PARD3: variants seen among roughly 807,000 people sequenced by gnomAD.
The protein encoded by PARD3 is partitioning defective 3 homolog.
A neutral mutation model predicts 155.4 loss-of-function variants in PARD3; 75 were observed. The ratio of observed to expected loss-of-function variants is 0.48; its 90% CI spans 0.40 to 0.58. PARD3 has a LOEUF of 0.58. Ranked by LOEUF, PARD3 falls within the 20% of genes least tolerant of loss-of-function variation. The pLI, the probability that PARD3 is intolerant of heterozygous loss-of-function variation, is 0.00. For missense variants in PARD3, 1,642 were observed against 1,721.7 expected, an observed-to-expected ratio of 0.95 and a Z score of 0.82; for synonymous variants, 576 against 610.5, an observed-to-expected ratio of 0.94 and a Z score of 0.83.
chr10:34,624,347 T>C (rs113960242), intron 2 of PARD3, among the ~76,000 whole-genome samples: 9 of 152,224 alleles, frequency 5.9e-5, no homozygotes, highest in South Asian at 2.1e-4. Flanking sequence ...AAAGAACTTA[T>C]TGAAAGAAAA....
chr10:34,617,937 G>GT (rs1348084880), intron 2 of PARD3, among the ~76,000 whole-genome samples: 1 of 152,120 alleles, frequency 6.6e-6, no homozygotes, highest in Non-Finnish European at 1.5e-5. Flanking sequence ...CCTACAGTTT[G>GT]TTTTGAAATT....
intron 1 of PARD3, among the ~76,000 whole-genome samples, chr10:34,728,891 G>A (rs1428747350): frequency 2.0e-5 from 3 of 152,096 alleles, no homozygotes; most frequent in East Asian, 3.9e-4. Context: ...ACAACAGACC[G>A]CACACAGACA....
chr10:34,627,187 C>G (rs1026532475), intron 2 of PARD3, among the ~76,000 whole-genome samples: 3 of 152,118 alleles, frequency 2.0e-5, no homozygotes, highest in Admixed American at 6.5e-5. Context: ...GCCACCACAA[C>G]AAGATAATTT....
At chr10:34,366,580 A>T (rs1467782511) in intron 12 of PARD3, among the ~76,000 whole-genome samples, 1 of 152,204 alleles carries the variant, frequency 6.6e-6, no homozygotes, top group Non-Finnish European at 1.5e-5. Context: ...AGACCATCAT[A>T]GCGTCACGCA....
intron 20 of PARD3, among the ~76,000 whole-genome samples, chr10:34,286,098 T>C (rs1281580082): frequency 4.6e-5 from 7 of 152,234 alleles, no homozygotes; most frequent in Non-Finnish European, 1.5e-5. Context: ...GCACTATTTT[T>C]GTCAATATAT....
At position 34,192,078 on chromosome 10, in the gene PARD3, G is replaced by T. The variant is rs911860963; in HGVS notation, c.3420-60495C>A. ...ACTAGCAAAAACCACTTTCCTGCTT[G>T]TTTTTTTTTTTTCCTTTTTGAGACA... On this transcript the variant is annotated intron_variant, in intron 22 of 24. Transcript: ENST00000374788. Among the ~76,000 whole-genome samples, 29 of 144,462 alleles carry T rather than the reference G, an allele frequency of 2.0e-4. No individual in the cohort carries two copies. In the East Asian group the frequency reaches 5.8e-3, roughly 29 times the overall value. 94.8% of individuals were successfully genotyped at this position (144,462 alleles called of 152,430 possible).
intron 21 of PARD3, among the ~76,000 whole-genome samples, chr10:34,281,939 G>A (rs745887107): frequency 6.6e-6 from 1 of 152,036 alleles, no homozygotes; most frequent in African/African-American, 2.4e-5. Flanking sequence ...TGAGGGAAAG[G>A]TTGTAAGGAG....
At chr10:34,386,690 C>T (rs1469877283) in intron 7 of PARD3, among the ~76,000 whole-genome samples, 5 of 151,694 alleles carry the variant, frequency 3.3e-5, no homozygotes, top group African/African-American at 7.3e-5. Flanking sequence ...GGCATGGTGG[C>T]GGGCACCTGT....
intron 20 of PARD3, among the ~76,000 whole-genome samples, chr10:34,310,848 G>A (rs1957663266): frequency 6.6e-6 from 1 of 152,208 alleles, no homozygotes; most frequent in Non-Finnish European, 1.5e-5. Flanking sequence ...CTCCCAGGGT[G>A]TATAATCACA....
intron 2 of PARD3, among the ~76,000 whole-genome samples, chr10:34,588,736 G>A (rs773845249): frequency 5.3e-5 from 8 of 152,118 alleles, no homozygotes; most frequent in African/African-American, 7.2e-5. Context: ...CTGAAACACT[G>A]AACCTGCAAA....
Position 34,489,937 on chromosome 10 carries a change from A to G in PARD3, c.404-19674T>C, listed in dbSNP as rs572590509. On this transcript the variant is annotated intron_variant, in intron 3 of 24. Coordinates refer to ENST00000374788, the MANE Select transcript of PARD3 (RefSeq NM_001184785.2). ...TGTTACAGAGATAAGATATCCTGGC[A>G]AAAGTTAATCTAACAATAATTAGTG... 9.2e-5 allele frequency among the ~76,000 whole-genome samples: 14 copies of G among 152,348 alleles called. No individual in the cohort carries two copies. The East Asian group carries it at 2.3e-3, about 25-fold the overall frequency.
chr10:34,589,467 G>T lies in PARD3; in HGVS notation c.223-72308C>A, dbSNP rs114959954. 7.2e-3 allele frequency among the ~76,000 whole-genome samples: 1,100 copies of T among 151,950 alleles called. 13 individuals carry two copies. The highest frequency in any genetic ancestry group is 0.026 in the African/African-American group (1,059 of 41,412). Reference sequence around the variant, plus strand: ...AAGAAGAAAAAATTTGGACACAGACGCACACAGCAGGAGAACTCCATGTGA... The same window carrying T: ...AAGAAGAAAAAATTTGGACACAGACTCACACAGCAGGAGAACTCCATGTGA... On this transcript the variant is annotated intron_variant, in intron 2 of 24. Transcript: ENST00000374788.
At chr10:34,738,385 C>A (rs567377603) in intron 1 of PARD3, among the ~76,000 whole-genome samples, 2 of 152,334 alleles carry the variant, frequency 1.3e-5, no homozygotes, top group South Asian at 4.1e-4. Context: ...CTATATTGCC[C>A]AGGCTGGTCT....
chr10:34,553,571 T>C (rs1277160639), intron 2 of PARD3, among the ~76,000 whole-genome samples: 1 of 152,092 alleles, frequency 6.6e-6, no homozygotes, highest in African/African-American at 2.4e-5. Context: ...ACATGCAAGG[T>C]ACTGGCATGT....
chr10:34,229,394 AT>A (rs1392936716), intron 22 of PARD3, among the ~76,000 whole-genome samples: 2 of 151,724 alleles, frequency 1.3e-5, no homozygotes, highest in Non-Finnish European at 2.9e-5. Flanking sequence ...TAATTTTAGA[AT>A]TTTAGAATTT....
chr10:34,660,469 C>CACAG (rs1413157934), intron 2 of PARD3, among the ~76,000 whole-genome samples: 4 of 151,998 alleles, frequency 2.6e-5, no homozygotes, highest in Non-Finnish European at 5.9e-5. Flanking sequence ...AAGGAGCTTA[C>CACAG]ACAGATGTAT....
chr10:34,745,734 T>C (rs567951787), intron 1 of PARD3, among the ~76,000 whole-genome samples: 1 of 152,250 alleles, frequency 6.6e-6, no homozygotes, highest in East Asian at 1.9e-4. Context: ...AATGCTGCAG[T>C]GAGCCCTGAG....
chr10:34,486,941 A>C (rs1295726707), intron 3 of PARD3, among the ~76,000 whole-genome samples: 1 of 152,066 alleles, frequency 6.6e-6, no homozygotes, highest in African/African-American at 2.4e-5. Flanking sequence ...ATCATTTCTC[A>C]GCTTGATTTA....
intron 1 of PARD3, among the ~76,000 whole-genome samples, chr10:34,757,484 C>G (rs1836889696): frequency 6.6e-6 from 1 of 152,142 alleles, no homozygotes; most frequent in African/African-American, 2.4e-5. Flanking sequence ...GCAGGCAGAT[C>G]ACTTGAGGCC....
Sources: gnomAD v4.1 joint callset for allele counts (sites outside exome capture counted in the v4.1 genomes callset) on GRCh38, gnomAD v4.1.1 for gene constraint, MANE v1.5 for transcripts, NCBI Gene and HGNC (gene_info 2026-07-23, HGNC 2026-07-21) for gene names.